Variants in SEC13 observed in about 807,000 individuals in gnomAD.
SEC13 encodes the protein protein SEC13 homolog.
In SEC13, 25 loss-of-function variants were observed where a neutral mutation model predicts 49.2. The observed-to-expected ratio is 0.51, with a 90% CI of 0.37 to 0.71. SEC13 has a LOEUF of 0.71. Ranked by LOEUF, SEC13 falls within the 30% of genes least tolerant of loss-of-function variation. The probability of loss-of-function intolerance (pLI) is 0.00; values close to 1 mark genes in which losing one functional copy is unlikely to be tolerated. For synonymous variants in SEC13, 148 were observed against 163.9 expected (o/e 0.90, Z 0.74); for missense variants, 383 against 417.6 (o/e 0.92, Z 0.72).
In SEC13 at chr3:10,305,142, C is replaced by T; in HGVS notation, c.599G>A (p.Gly200Asp). 1.2e-6 allele frequency: 2 copies of T among 1,612,472 alleles called. No individual in the cohort carries two copies. Among genetic ancestry groups the T allele is most frequent in the Non-Finnish European group, 1.7e-6 (2 of 1,179,122 alleles). The change falls in exon 7 of 9, where the codon GGC (glycine) becomes GAC (aspartate). Residue 200 changes from glycine to aspartate, a missense_variant. Physicochemically the swap from Gly to Asp is moderately conservative, Grantham distance 94. Coordinates refer to ENST00000350697, the MANE Select transcript of SEC13 (RefSeq NM_183352.3). ...TAGCTTCTGCTCCTCCTTCCACTGGCCGTCCTCCTCCTCCCTAACAGTGGG... is the reference window on the plus strand; with the variant it reads ...TAGCTTCTGCTCCTCCTTCCACTGGTCGTCCTCCTCCTCCCTAACAGTGGG... Reference protein sequence around the residue: ...LIKLWKEEEDGQWKEEQKLEA... With the variant: ...LIKLWKEEEDDQWKEEQKLEA...
At chr3:10,301,799 G>A (rs1162208861) in intron 8 of SEC13, among the ~76,000 whole-genome samples, 1 of 152,166 alleles carries the variant, frequency 6.6e-6, no homozygotes, top group Non-Finnish European at 1.5e-5. Flanking sequence ...GTTTTAACAG[G>A]TTTAACAACA....
chr3:10,303,059 TG>T (rs1460387504), intron 8 of SEC13, among the ~76,000 whole-genome samples: 1 of 152,202 alleles, frequency 6.6e-6, no homozygotes, highest in Non-Finnish European at 1.5e-5. Flanking sequence ...AGTTATTTAA[TG>T]GGTACAGAGT....
chr3:10,305,388 GGTGTT>G, intron 6 of SEC13, 166 bp downstream of exon 6: 3 of 1,031,716 alleles, frequency 2.9e-6, no homozygotes, highest in Non-Finnish European at 4.2e-6. Context: ...TAGGTGAACA[GGTGTT>G]GTGTTGTTTT....
chr3:10,320,136 A>G (rs753820858), intron 1 of SEC13, among the ~76,000 whole-genome samples: 1 of 152,108 alleles, frequency 6.6e-6, no homozygotes, highest in East Asian at 1.9e-4. Flanking sequence ...TTAAAAATTC[A>G]TTTAGGATGA....
chr3:10,303,993 G>T, intron 8 of SEC13, 33 bp downstream of exon 8: 1 of 1,612,166 alleles, frequency 6.2e-7, no homozygotes, highest in Non-Finnish European at 8.5e-7. Flanking sequence ...CCAACAGGCT[G>T]TGTCCACCAT....
intron 5 of SEC13, among the ~76,000 whole-genome samples, chr3:10,311,150 A>C (rs535187403): frequency 6.6e-6 from 1 of 151,986 alleles, no homozygotes; most frequent in Non-Finnish European, 1.5e-5. Context: ...AAAGATGTGC[A>C]TGTTCACTTC....
intron 5 of SEC13, among the ~76,000 whole-genome samples, chr3:10,309,019 C>T (rs913494239): frequency 6.8e-6 from 1 of 147,612 alleles, no homozygotes; most frequent in African/African-American, 2.5e-5. Context: ...CTCTCTGCAA[C>T]CTCTGACTCC....
intron 4 of SEC13, 76 bp from the exon 5 acceptor site, chr3:10,312,174 GT>G: frequency 6.7e-7 from 1 of 1,499,492 alleles, no homozygotes; most frequent in South Asian, 1.3e-5. Context: ...CAGATTTACT[GT>G]TTTACTAAAT....
chr3:10,311,747 TG>T (rs1172298444), intron 5 of SEC13: 8 of 1,399,748 alleles, frequency 5.7e-6, no homozygotes, highest in Non-Finnish European at 7.4e-6. Context: ...CTCCCCTGCT[TG>T]GGAGCACACA....
intron 5 of SEC13, chr3:10,311,684 C>A: frequency 7.6e-7 from 1 of 1,320,550 alleles, no homozygotes; most frequent in Non-Finnish European, 9.7e-7. Context: ...GGCATGTCAC[C>A]TGGAGGCAAC....
rs771897317 is a variant in SEC13, at chr3:10,305,077, G to C, written c.664C>G (p.Pro222Ala). ...SDWVRDVAWA[P>A]SIGLPTSTIA... ...GTGCTGGTGGGCAGGCCGATGGAGG[G>C]GGCCCAGGCCACATCTCGAACCCAG... The change falls in exon 7 of 9, where the codon CCC becomes GCC. Residue 222 changes from proline (P) to alanine (A), a missense_variant. Pro to Ala is a conservative substitution (Grantham distance 27, BLOSUM62 -1). Coordinates refer to ENST00000350697, the MANE Select transcript of SEC13 (RefSeq NM_183352.3). The C allele has an allele frequency of 6.2e-7, 1 of 1,614,178 alleles. No individual in the cohort carries two copies. Among genetic ancestry groups the C allele is most frequent in the Middle Eastern group, 1.7e-4 (1 of 6,060 alleles).
At position 10,305,509 on chromosome 3, in the gene SEC13, T is replaced by G. The variant is rs1049830705; in HGVS notation, c.584+50A>C. On this transcript the variant is annotated intron_variant, in intron 6 of 8. Transcript: ENST00000350697. ...TGTGGCTGAGTCATGGTGAGTAGGG[T>G]AAAGGGTAGAAGTGTCCCCTCAAAG... The G allele has an allele frequency of 1.9e-6, 3 of 1,599,010 alleles. No homozygotes were observed. The African/African-American group carries it at 4.0e-5, about 21-fold the overall frequency.
At chr3:10,308,933 ATTTT>A (rs56801249) in intron 5 of SEC13, among the ~76,000 whole-genome samples, 7 of 102,358 alleles carry the variant, frequency 6.8e-5, no homozygotes, top group African/African-American at 2.1e-4. Context: ...CCTGGCCTTG[ATTTT>A]TTTTTTTTTT....
intron 1 of SEC13, 155 bp downstream of exon 1, chr3:10,320,895 C>T (rs889145847): frequency 4.2e-6 from 6 of 1,443,154 alleles, no homozygotes; most frequent in Non-Finnish European, 4.6e-6. Context: ...CGGAATGGTC[C>T]GCAAGGACGG....
chr3:10,310,827 G>A (rs1701206300), intron 5 of SEC13, among the ~76,000 whole-genome samples: 1 of 152,138 alleles, frequency 6.6e-6, no homozygotes, highest in African/African-American at 2.4e-5. Context: ...ATCATCTGAT[G>A]AATGGATAAA....
chr3:10,319,117 G>A (rs189146596), intron 1 of SEC13: 2 of 1,596,688 alleles, frequency 1.3e-6, no homozygotes, highest in Non-Finnish European at 1.7e-6. Flanking sequence ...AGAAGTTTCA[G>A]TGTGGAACAG....
At chr3:10,303,522 C>G in intron 8 of SEC13, 1 of 202,718 alleles carries the variant, frequency 4.9e-6, no homozygotes. Flanking sequence ...GTCTCCAGAA[C>G]TCTTTCAGCT....
In SEC13 at chr3:10,300,989, T is replaced by C. The variant is rs1462954693; in HGVS notation, c.*272A>G. The C allele has an allele frequency of 8.0e-7, 1 of 1,254,872 alleles. No individual in the cohort carries two copies. The highest frequency in any genetic ancestry group is 2.5e-5 in the East Asian group (1 of 39,744). The allele number at this position is 1,254,872 out of a possible 1,614,324, so 77.7% of individuals were successfully genotyped here. ...GAAACAAAACCCCCCAAATAATGCC[T>C]GAACCCAAAGGTACATAAAAATGAC... On this transcript the variant is annotated 3_prime_UTR_variant, in exon 9 of 9. Coordinates refer to ENST00000350697, the MANE Select transcript of SEC13 (RefSeq NM_183352.3).
intron 5 of SEC13, among the ~76,000 whole-genome samples, chr3:10,309,609 CTT>C (rs973447107): frequency 3.3e-5 from 5 of 152,266 alleles, no homozygotes; most frequent in East Asian, 1.9e-4. Context: ...ACTATTCTCT[CTT>C]GTTTTGTATT....
Sources: allele counts gnomAD v4.1 joint callset (sites outside exome capture counted in the v4.1 genomes callset), GRCh38; gene constraint gnomAD v4.1.1; transcripts MANE v1.5; gene names NCBI Gene and HGNC (gene_info 2026-07-23, HGNC 2026-07-21).